SMARCD1: variants seen among roughly 807,000 people sequenced by gnomAD.
SMARCD1 encodes SWI/SNF related BAF chromatin remodeling complex subunit D1.
In SMARCD1, 16 loss-of-function variants were observed where a neutral mutation model predicts 70.8. The observed-to-expected ratio is 0.23, with a 90% confidence interval of 0.15 to 0.34. SMARCD1 has a LOEUF of 0.34. Ranked by LOEUF, SMARCD1 falls within the 10% of genes least tolerant of loss-of-function variation. SMARCD1 has a pLI of 1.00. For synonymous variants in SMARCD1, 249 were observed against 246.0 expected (o/e 1.01, Z -0.11); for missense variants, 409 against 655.5 (o/e 0.62, Z 4.11).
chr12:50,097,275 G>A (rs140385425), intron 11 of SMARCD1, among the ~76,000 whole-genome samples: 4 of 152,336 alleles, frequency 2.6e-5, no homozygotes, highest in African/African-American at 9.6e-5. Flanking sequence ...GTATAGCCGG[G>A]CATGGTGGCT....
At chr12:50,090,214 C>T in intron 7 of SMARCD1, 27 bp from the exon 8 acceptor site, 1 of 1,587,602 alleles carries the variant, frequency 6.3e-7, no homozygotes, top group South Asian at 1.1e-5. Flanking sequence ...TAACTAGCTT[C>T]ATCCCCTATA....
At chr12:50,090,703 T>C (rs1445770415) in intron 9 of SMARCD1, 113 bp downstream of exon 9, 1 of 661,396 alleles carries the variant, frequency 1.5e-6, no homozygotes, top group African/African-American at 1.8e-5. Context: ...ACACAACTGT[T>C]ACACTGTTAC....
At position 50,086,755 on chromosome 12, in the gene SMARCD1, G is replaced by A. The variant is rs1303596535; in HGVS notation, c.409-1G>A. 6.2e-7 allele frequency: 1 copy of A among 1,614,116 alleles called. No homozygotes were observed. The highest frequency in any genetic ancestry group is 8.5e-7 in the Non-Finnish European group (1 of 1,180,008). On this transcript the variant is annotated splice_acceptor_variant, in intron 3 of 12. Transcript: ENST00000394963. LOFTEE classifies it high-confidence loss of function. The stretch of plus-strand genomic sequence containing the variant: ...TTTCAATTAATTTTTCTGTTCCTAA[G>A]ATTCGTGAACTGGTACCAGAATCCC...
At position 50,099,553 on chromosome 12, in the gene SMARCD1, C is replaced by T; in HGVS notation, c.*553C>T. On this transcript the variant is annotated 3_prime_UTR_variant, in exon 13 of 13. Transcript: ENST00000394963. ...TACAGAAACCCTGGTTCTTGGGCTC[C>T]ACTGAGCCCCAGGTCAGTCCCCAGC... The T allele has an allele frequency of 2.6e-6, 1 of 383,144 alleles. No homozygotes were observed. The highest frequency in any genetic ancestry group is 4.4e-5 in the Admixed American group (1 of 22,956). The allele number at this position is 383,144 out of a possible 1,614,324, so 23.7% of individuals were successfully genotyped here.
intron 9 of SMARCD1, 136 bp downstream of exon 9, chr12:50,090,726 T>G (rs1159360828): frequency 8.9e-6 from 5 of 562,696 alleles, no homozygotes; most frequent in African/African-American, 1.9e-5. Context: ...ACAATTAAAT[T>G]ACATAAACTT....
intron 7 of SMARCD1, 21 bp from the exon 8 acceptor site, chr12:50,090,220 C>T: frequency 1.2e-5 from 19 of 1,598,994 alleles, no homozygotes; most frequent in Non-Finnish European, 1.6e-5. Flanking sequence ...GCTTCATCCC[C>T]TATACTTTGG....
At chr12:50,096,398 C>T (rs1232153714) in intron 10 of SMARCD1, among the ~76,000 whole-genome samples, 1 of 152,128 alleles carries the variant, frequency 6.6e-6, no homozygotes, top group Admixed American at 6.6e-5. Context: ...ACTGGGGACT[C>T]ATTACCCTGT....
intron 2 of SMARCD1, 135 bp downstream of exon 2, chr12:50,086,483 T>TGGTGGTGGTGGTGGTGGG: frequency 1.1e-6 from 1 of 922,462 alleles, no homozygotes; most frequent in Admixed American, 2.2e-5. Context: ...GAATGCTTGG[T>TGGTGGTGGTGGTGGTGGG]GGTGGTGGTG....
intron 2 of SMARCD1, 63 bp from the exon 3 acceptor site, chr12:50,086,557 AC>A: frequency 6.6e-7 from 1 of 1,521,978 alleles, no homozygotes; most frequent in Non-Finnish European, 9.1e-7. Flanking sequence ...GGACGTGCTG[AC>A]AGCTTATTTT....
chr12:50,092,475 G>C (rs1226468040), intron 9 of SMARCD1, among the ~76,000 whole-genome samples: 1 of 150,216 alleles, frequency 6.7e-6, no homozygotes, highest in Non-Finnish European at 1.5e-5. Context: ...ACCCGCCTCG[G>C]CCTCCCAAAG....
chr12:50,091,131 C>T (rs551345384), intron 9 of SMARCD1, among the ~76,000 whole-genome samples: 22 of 152,094 alleles, frequency 1.4e-4, no homozygotes, highest in Middle Eastern at 3.4e-3. Context: ...CATGAGCCAC[C>T]GCGCCCAGCC....
rs780339892 is a variant in SMARCD1 at position 50,086,728 on chromosome 12, G to C, written c.409-28G>C. On this transcript the variant is annotated intron_variant, in intron 3 of 12. Transcript: ENST00000394963. ...TTTGAGTATAGAGATGATCATCCTA[G>C]ATTTCAATTAATTTTTCTGTTCCTA... 9.9e-6 allele frequency: 16 copies of C among 1,613,928 alleles called. No homozygotes were observed. In the African/African-American group the frequency reaches 1.9e-4, roughly 19 times the overall value.
At chr12:50,091,040 G>A (rs1950838732) in intron 9 of SMARCD1, among the ~76,000 whole-genome samples, 1 of 151,812 alleles carries the variant, frequency 6.6e-6, no homozygotes, top group East Asian at 1.9e-4. Flanking sequence ...TAGCCAGGAT[G>A]GTCTCAATCT....
chr12:50,085,718 C>A, intron 1 of SMARCD1, 172 bp downstream of exon 1: 1 of 487,856 alleles, frequency 2.0e-6, no homozygotes, highest in Non-Finnish European at 3.2e-6. Context: ...AGTTACACAC[C>A]TGCTCCTAGG....
chr12:50,092,540 C>G (rs77186928), intron 9 of SMARCD1, among the ~76,000 whole-genome samples: 1 of 103,876 alleles, frequency 9.6e-6, no homozygotes, highest in African/African-American at 3.5e-5. Flanking sequence ...TTTTTTTTTT[C>G]TTTTGACCCT....
chr12:50,096,802 C>T (rs1416141670), intron 10 of SMARCD1, 48 bp from the exon 11 acceptor site: 2 of 1,570,580 alleles, frequency 1.3e-6, no homozygotes, highest in Non-Finnish European at 1.7e-6. Context: ...CATTTAACTT[C>T]TCATTTTTCT....
At chr12:50,085,730 G>A (rs1950782341) in intron 1 of SMARCD1, 184 bp downstream of exon 1, 2 of 468,538 alleles carry the variant, frequency 4.3e-6, no homozygotes. Flanking sequence ...GCTCCTAGGG[G>A]CATTGTTTCC....
At position 50,098,797 on chromosome 12, in the gene SMARCD1, C is replaced by T. The variant is rs1385789889; in HGVS notation, c.1476C>T (p.Cys492=). Residue 492 remains cysteine, a synonymous_variant, in exon 12 of 13, where the codon TGC becomes TGT. Transcript: ENST00000394963. ...YFQPWAQEAV[C]RYFYSKVQQR... ...AGCCCTGGGCTCAGGAGGCTGTGTG[C>T]CGATACTTCTACTCCAAGGTAAGTA... 6.2e-7 allele frequency: 1 copy of T among 1,613,852 alleles called. No homozygotes were observed. Among genetic ancestry groups the T allele is most frequent in the Admixed American group, 1.7e-5 (1 of 60,012 alleles).
At chr12:50,097,015 G>A (rs1389534900) in intron 11 of SMARCD1, 43 bp downstream of exon 11, 2 of 1,552,016 alleles carry the variant, frequency 1.3e-6, no homozygotes, top group Non-Finnish European at 1.7e-6. Context: ...AGGTCAGTGA[G>A]GTGCACAGCT....
Sources: allele counts gnomAD v4.1 joint callset (sites outside exome capture counted in the v4.1 genomes callset), GRCh38; gene constraint gnomAD v4.1.1; transcripts MANE v1.5; gene names NCBI Gene and HGNC (gene_info 2026-07-23, HGNC 2026-07-21).